The following TATDN2 variants were observed in gnomAD, a reference collection of about 807,000 sequenced individuals.
TATDN2 encodes the protein TatD DNase domain containing 2.
Under a neutral mutation model 60.3 loss-of-function variants are expected in TATDN2, and 44 were observed. That is an observed-to-expected ratio of 0.73 (90% CI 0.57 to 0.94). TATDN2 has a LOEUF of 0.94. TATDN2 is among the 40% of genes least tolerant of loss of function. The pLI, the probability that TATDN2 is intolerant of heterozygous loss-of-function variation, is 0.00. For missense variants in TATDN2, 997 were observed against 948.0 expected, an observed-to-expected ratio of 1.05 and a Z score of -0.68; for synonymous variants, 399 against 355.8, an observed-to-expected ratio of 1.12 and a Z score of -1.37.
chr3:10,249,764 G>T, intron 2 of TATDN2, 150 bp downstream of exon 2: 1 of 968,430 alleles, frequency 1.0e-6, no homozygotes, highest in Non-Finnish European at 1.4e-6. Flanking sequence ...CCCCAAACTC[G>T]AAGACCTAGC....
chr3:10,259,005 G>C (rs1698357963), intron 2 of TATDN2, among the ~76,000 whole-genome samples: 1 of 152,162 alleles, frequency 6.6e-6, no homozygotes, highest in African/African-American at 2.4e-5. Flanking sequence ...GTGTAGCTGG[G>C]ATCACAGGCG....
At position 10,249,568 on chromosome 3, in the gene TATDN2, C is replaced by G. The variant is rs1049338895; in HGVS notation, c.368C>G (p.Ser123Cys). The G allele has an allele frequency of 4.5e-6, 7 of 1,547,258 alleles. No homozygotes were observed. Among genetic ancestry groups the G allele is most frequent in the African/African-American group, 2.8e-5 (2 of 72,332 alleles). The change falls in exon 2 of 8, where the codon TCT (serine) becomes TGT (cysteine). Residue 123 changes from serine to cysteine, a missense_variant. By Grantham distance (112) the Ser-to-Cys change is moderately radical. Coordinates refer to ENST00000448281, the MANE Select transcript of TATDN2 (RefSeq NM_014760.4). ...TCCCCTCTGCGTCCTGCCAACGCCT[C>G]TTTGGAAGAAATGGCTTCTCTAGAG... ...GGSPLRPANA[S>C]LEEMASLEEE...
chr3:10,251,891 G>A (rs1369613630), intron 2 of TATDN2, among the ~76,000 whole-genome samples: 1 of 148,002 alleles, frequency 6.8e-6, no homozygotes, highest in Non-Finnish European at 1.5e-5. Context: ...GCTCACGCCT[G>A]TAATCCCAGC....
At chr3:10,250,135 T>G (rs1027948875) in intron 2 of TATDN2, among the ~76,000 whole-genome samples, 3 of 152,220 alleles carry the variant, frequency 2.0e-5, no homozygotes, top group African/African-American at 7.2e-5. Context: ...AGTCATAGTT[T>G]CCAGCATGTT....
chr3:10,264,011 C>T (rs1272785235), intron 3 of TATDN2, among the ~76,000 whole-genome samples: 9 of 152,072 alleles, frequency 5.9e-5, no homozygotes, highest in South Asian at 2.1e-4. Flanking sequence ...GCTGCGGGGG[C>T]GGCGTCAGCA....
rs758489403 is a variant in TATDN2, at chr3:10,270,256, G to A, written c.1074G>A (p.Pro358=). The A allele has an allele frequency of 2.2e-5, 36 of 1,613,960 alleles. No individual in the cohort carries two copies. The highest frequency in any genetic ancestry group is 4.4e-5 in the South Asian group (4 of 91,080). ...TCTCCCTGAAACCTTCAGCCGTTCC[G>A]GAGCCTTCTTCCTTCACCACCGACT... ...EPVSLKPSAV[P]EPSSFTTDYV... Residue 358 remains proline (P), a synonymous_variant, in exon 4 of 8, where the codon CCG becomes CCA. Coordinates refer to ENST00000448281, the MANE Select transcript of TATDN2 (RefSeq NM_014760.4).
intron 2 of TATDN2, among the ~76,000 whole-genome samples, chr3:10,256,639 C>T (rs1698312703): frequency 6.6e-6 from 1 of 152,124 alleles, no homozygotes; most frequent in African/African-American, 2.4e-5. Flanking sequence ...TGATTCTCTA[C>T]TCTCAAATGG....
chr3:10,275,900 C>G (rs1344270798), intron 4 of TATDN2, among the ~76,000 whole-genome samples: 2 of 152,212 alleles, frequency 1.3e-5, no homozygotes, highest in Non-Finnish European at 2.9e-5. Context: ...TCCCCAACAG[C>G]TCTGCATAGG....
chr3:10,251,023 A>T (rs1460769618), intron 2 of TATDN2, among the ~76,000 whole-genome samples: 1 of 152,144 alleles, frequency 6.6e-6, no homozygotes, highest in Non-Finnish European at 1.5e-5. Context: ...CTCAGGTTTG[A>T]GGGTGTGGTC....
Position 10,249,391 on chromosome 3 carries a change from C to T in TATDN2, c.191C>T (p.Ala64Val). ...RLKAQKEDDV[A>V]CSRRLSWGSS... ...AAAGCCCAGAAGGAGGACGATGTGG[C>T]TTGCTCGCGGAGGTTATCCTGGGGC... The change falls in exon 2 of 8, where the codon GCT (alanine) becomes GTT (valine). Residue 64 changes from alanine (A) to valine (V), a missense_variant. Ala to Val is a moderately conservative substitution (Grantham distance 64). Transcript: ENST00000448281. The T allele has an allele frequency of 6.2e-7, 1 of 1,613,122 alleles. No homozygotes were observed. The highest frequency in any genetic ancestry group is 2.2e-5 in the East Asian group (1 of 44,872).
intron 4 of TATDN2, among the ~76,000 whole-genome samples, chr3:10,275,436 G>A (rs1210061317): frequency 1.3e-5 from 2 of 152,144 alleles, no homozygotes; most frequent in Non-Finnish European, 2.9e-5. Flanking sequence ...GCGAGGATAC[G>A]CGATTTTGAT....
At chr3:10,275,594 A>C (rs1246980231) in intron 4 of TATDN2, among the ~76,000 whole-genome samples, 3 of 152,082 alleles carry the variant, frequency 2.0e-5, no homozygotes, top group African/African-American at 7.2e-5. Context: ...ACAAATACAG[A>C]AATTAGCCAG....
chr3:10,259,991 T>C lies in TATDN2; in HGVS notation c.415-146T>C, dbSNP rs367961399. 4.9e-5 allele frequency: 45 copies of C among 918,754 alleles called. No homozygotes were observed. The African/African-American group carries it at 7.4e-4, about 15-fold the overall frequency. The allele number at this position is 918,754 out of a possible 1,614,324, so 56.9% of individuals were successfully genotyped here. A position where few individuals can be genotyped will look rare whatever the true frequency, so the allele number is the denominator to read the frequency against. On this transcript the variant is annotated intron_variant, in intron 2 of 7. Coordinates refer to ENST00000448281, the MANE Select transcript of TATDN2 (RefSeq NM_014760.4). ...CAATCAGCCCCTCTTACAGTGCCAC[T>C]TCACCACCCGGAGAGAACCTTTGCC...
At chr3:10,249,126 G>C in intron 1 of TATDN2, 59 bp downstream of exon 1, 3 of 1,478,076 alleles carry the variant, frequency 2.0e-6, no homozygotes, top group South Asian at 1.4e-5. Flanking sequence ...TGGGCCCGGG[G>C]TGGCGGGAAT....
At chr3:10,259,379 A>AGG (rs1263467842) in intron 2 of TATDN2, among the ~76,000 whole-genome samples, 3 of 152,262 alleles carry the variant, frequency 2.0e-5, no homozygotes. Context: ...GAATGGCCTT[A>AGG]GGAGGACATT....
At position 10,260,866 on chromosome 3, in the gene TATDN2, C is replaced by G. The variant is rs1351701835; in HGVS notation, c.948+196C>G. 1.4e-5 allele frequency among the ~76,000 whole-genome samples: 2 copies of G among 145,982 alleles called. 1 individual carries two copies. The highest frequency in any genetic ancestry group is 5.0e-5 in the African/African-American group (2 of 39,644). On this transcript the variant is annotated intron_variant, in intron 3 of 7. Coordinates refer to ENST00000448281, the MANE Select transcript of TATDN2 (RefSeq NM_014760.4). The stretch of plus-strand genomic sequence containing the variant: ...GTTATTAATAAACCTAAACTAAGTG[C>G]TTTTTTTTTTTTTTGAAGGATTTAT...
In TATDN2 at chr3:10,279,632, A is replaced by G. The variant is rs1167379902; in HGVS notation, c.*450A>G. ...TCTCGGTTCTAAAAACAGACTTCCA[A>G]CTGGGAAACTTTTTGGGGGAAATTA... is the stretch of plus-strand genomic sequence containing the variant. On this transcript the variant is annotated 3_prime_UTR_variant, in exon 8 of 8. Transcript: ENST00000448281. 3 of 151,482 alleles carry G rather than the reference A, an allele frequency of 2.0e-5. No homozygotes were observed. The highest frequency in any genetic ancestry group is 7.3e-5 in the African/African-American group (3 of 41,164). The allele number at this position is 151,482 out of a possible 1,614,324, so 9.4% of individuals were successfully genotyped here. A position where few individuals can be genotyped will look rare whatever the true frequency, so the allele number is the denominator to read the frequency against.
intron 3 of TATDN2, among the ~76,000 whole-genome samples, chr3:10,261,437 C>A (rs1193297601): frequency 2.7e-5 from 4 of 149,116 alleles, no homozygotes; most frequent in African/African-American, 9.9e-5. Flanking sequence ...ATGGTGCAAT[C>A]TTGGCTCACT....
chr3:10,266,711 T>C (rs1480816454), intron 3 of TATDN2, among the ~76,000 whole-genome samples: 1 of 152,200 alleles, frequency 6.6e-6, no homozygotes, highest in Non-Finnish European at 1.5e-5. Flanking sequence ...TGAAACCTTA[T>C]TTACACCATC....
Sources: allele counts gnomAD v4.1 joint callset (sites outside exome capture counted in the v4.1 genomes callset), GRCh38; gene constraint gnomAD v4.1.1; transcripts MANE v1.5; gene names NCBI Gene and HGNC (gene_info 2026-07-23, HGNC 2026-07-21).